PCNX2: variants seen among roughly 807,000 people sequenced by gnomAD.
The protein encoded by PCNX2 is pecanex-like protein 2.
A neutral mutation model predicts 223.8 loss-of-function variants in PCNX2; 168 were observed. The ratio of observed to expected loss-of-function variants is 0.75; its 90% CI spans 0.66 to 0.85. PCNX2 has a LOEUF of 0.85. Ranked by LOEUF, PCNX2 falls within the 40% of genes least tolerant of loss-of-function variation. PCNX2 has a pLI of 0.00. For missense variants in PCNX2, 2,507 were observed against 2,675.5 expected, an observed-to-expected ratio of 0.94 and a Z score of 1.39; for synonymous variants, 1,006 against 1,052.6, an observed-to-expected ratio of 0.96 and a Z score of 0.86.
chr1:233,183,542 T>C (rs1679931878), intron 15 of PCNX2, among the ~76,000 whole-genome samples: 1 of 152,164 alleles, frequency 6.6e-6, no homozygotes, highest in Non-Finnish European at 1.5e-5. Flanking sequence ...GAAAAGGCAA[T>C]CTCCTGACTA....
chr1:233,103,582 C>T (rs1181893714), intron 21 of PCNX2, among the ~76,000 whole-genome samples: 1 of 152,078 alleles, frequency 6.6e-6, no homozygotes, highest in South Asian at 2.1e-4. Flanking sequence ...ATAATGACCT[C>T]CAGTTCCATC....
At chr1:232,984,593 T>G (rs934784400) in intron 33 of PCNX2, 116 bp from the exon 34 acceptor site, 2 of 1,194,064 alleles carry the variant, frequency 1.7e-6, no homozygotes, top group East Asian at 4.9e-5. Context: ...GCCATATCCT[T>G]GAGGTCAGGT....
chr1:233,249,606 G>T (rs1161445954), intron 8 of PCNX2, among the ~76,000 whole-genome samples: 1 of 152,204 alleles, frequency 6.6e-6, no homozygotes, highest in African/African-American at 2.4e-5. Flanking sequence ...GTACCTGAGG[G>T]AAAAGGAGGA....
rs570248755 is a variant in PCNX2, at chr1:233,126,456, T to A, written c.3837+8557A>T. Among the ~76,000 whole-genome samples, 1 of 152,156 alleles carries A rather than the reference T, an allele frequency of 6.6e-6. No individual in the cohort carries two copies. The highest frequency in any genetic ancestry group is 1.5e-5 in the Non-Finnish European group (1 of 68,000). The stretch of plus-strand genomic sequence containing the variant: ...CACATATTTTAAGCAAAAATGGAGG[T>A]AAAAGGCAGGTACAGAATGAACCTA... On this transcript the variant is annotated intron_variant, in intron 21 of 33. Transcript: ENST00000258229. This position sits in a 1 kb window ranked among gnomAD's most constrained non-coding sequence, Gnocchi z 4.8.
At chr1:233,069,511 T>A (rs1227527553) in intron 23 of PCNX2, among the ~76,000 whole-genome samples, 1 of 152,096 alleles carries the variant, frequency 6.6e-6, no homozygotes, top group Non-Finnish European at 1.5e-5. Context: ...ACAGAGTTTG[T>A]TCTCCAACCA....
At chr1:233,130,174 G>C (rs554182991) in intron 21 of PCNX2, among the ~76,000 whole-genome samples, 1 of 152,094 alleles carries the variant, frequency 6.6e-6, no homozygotes, top group African/African-American at 2.4e-5. Context: ...GAACACATCC[G>C]AACATCGGAA....
chr1:233,168,210 C>T (rs1174393194), intron 17 of PCNX2, among the ~76,000 whole-genome samples: 1 of 151,982 alleles, frequency 6.6e-6, no homozygotes, highest in Non-Finnish European at 1.5e-5. Flanking sequence ...TATAGAATAA[C>T]ACAATAATAT....
At chr1:233,291,313 A>T (rs1316619631) in intron 1 of PCNX2, among the ~76,000 whole-genome samples, 1 of 152,158 alleles carries the variant, frequency 6.6e-6, no homozygotes, top group Non-Finnish European at 1.5e-5. Context: ...CACACAATTG[A>T]TAAGAGGAAG....
chr1:233,184,575 T>A (rs750078395), intron 15 of PCNX2, among the ~76,000 whole-genome samples: 2 of 152,114 alleles, frequency 1.3e-5, no homozygotes, highest in Non-Finnish European at 2.9e-5. Context: ...CCTCTCATTT[T>A]CTCTCTACTT....
At chr1:233,281,096 A>G (rs1454338278) in intron 1 of PCNX2, among the ~76,000 whole-genome samples, 1 of 152,208 alleles carries the variant, frequency 6.6e-6, no homozygotes. Context: ...GCCTGTGTAC[A>G]CAGTCGGAGG....
chr1:233,210,151 G>T (rs1681738357), intron 12 of PCNX2, among the ~76,000 whole-genome samples: 1 of 152,102 alleles, frequency 6.6e-6, no homozygotes, highest in Non-Finnish European at 1.5e-5. Flanking sequence ...TGTAATTTAT[G>T]AAACAAAACT....
intron 18 of PCNX2, 120 bp downstream of exon 18, chr1:233,161,151 C>A (rs76708547): frequency 5.0e-6 from 4 of 801,654 alleles, no homozygotes; most frequent in Admixed American, 2.2e-5. Context: ...AGCCTCTCAG[C>A]GGGCATTTTG....
At chr1:233,085,438 C>T (rs1673555557) in intron 23 of PCNX2, among the ~76,000 whole-genome samples, 1 of 152,066 alleles carries the variant, frequency 6.6e-6, no homozygotes, top group Admixed American at 6.5e-5. Flanking sequence ...ATAGACTACA[C>T]CAACCTTGGG....
rs1237739268 is a variant in PCNX2 at position 233,001,437 on chromosome 1, C to A, written c.5097+100G>T. The A allele has an allele frequency of 2.6e-6, 2 of 755,346 alleles. No individual in the cohort carries two copies. The highest frequency in any genetic ancestry group is 1.9e-5 in the African/African-American group (1 of 52,682). 46.8% of individuals were successfully genotyped at this position (755,346 alleles called of 1,614,324 possible). A position where few individuals can be genotyped will look rare whatever the true frequency, so the allele number is the denominator to read the frequency against. ...GAGGTTGTGGTGAGCCGAGATTGTG[C>A]CATTGCACCCCAGCCTGGGCAACAA... On this transcript the variant is annotated intron_variant, in intron 29 of 33. Coordinates refer to ENST00000258229, the MANE Select transcript of PCNX2 (RefSeq NM_014801.4). The surrounding 1 kb of genome is among the most constrained non-coding windows in gnomAD (Gnocchi z 4.2).
intron 21 of PCNX2, among the ~76,000 whole-genome samples, chr1:233,111,194 C>A (rs1248960050): frequency 3.9e-5 from 6 of 152,178 alleles, no homozygotes; most frequent in African/African-American, 1.4e-4. Flanking sequence ...CTAGGTCTGC[C>A]TCTTATTAGT....
In PCNX2 at chr1:233,110,076, G is replaced by A. The variant is rs777892175; in HGVS notation, c.3838-14213C>T. ...TGCACTCCAGCCTGGGTGACAGAGG[G>A]AGACCCTGTCTCAAAAAATAAAAAA... On this transcript the variant is annotated intron_variant, in intron 21 of 33. Transcript: ENST00000258229. 6.5e-4 allele frequency among the ~76,000 whole-genome samples: 99 copies of A among 152,122 alleles called. 2 individuals carry two copies. Among genetic ancestry groups the A allele is most frequent in the Non-Finnish European group, 2.2e-4 (15 of 68,004 alleles).
chr1:233,273,898 C>G (rs1660780075), intron 1 of PCNX2, among the ~76,000 whole-genome samples: 1 of 152,192 alleles, frequency 6.6e-6, no homozygotes, highest in Non-Finnish European at 1.5e-5. Context: ...GCTGGGATTA[C>G]AGGCGTGAGT....
At chr1:233,029,567 T>C (rs1050963970) in intron 25 of PCNX2, among the ~76,000 whole-genome samples, 20 of 152,220 alleles carry the variant, frequency 1.3e-4, no homozygotes, top group African/African-American at 4.8e-4. Context: ...AAGTTTCTTA[T>C]AGTGCAGGTC....
chr1:233,030,255 C>A (rs899555377), intron 25 of PCNX2, among the ~76,000 whole-genome samples: 1 of 151,974 alleles, frequency 6.6e-6, no homozygotes, highest in Non-Finnish European at 1.5e-5. Context: ...TTTTTCAGTT[C>A]TAGAATTTTA....
Sources: gnomAD v4.1 joint callset for allele counts (sites outside exome capture counted in the v4.1 genomes callset) on GRCh38, gnomAD v4.1.1 for gene constraint, Gnocchi (gnomAD v3.1) non-coding constraint, MANE v1.5 for transcripts, NCBI Gene and HGNC (gene_info 2026-07-23, HGNC 2026-07-21) for gene names.